Variants in CEP152 observed in about 807,000 individuals in gnomAD.
CEP152 encodes the protein centrosomal protein 152.
Under a neutral mutation model 188.9 loss-of-function variants are expected in CEP152, and 132 were observed. The observed-to-expected ratio is 0.70, with a 90% CI of 0.61 to 0.81. The LOEUF (loss-of-function observed/expected upper bound fraction) is 0.81, where lower values mean the gene tolerates loss of function less well. CEP152 is among the 30% of genes least tolerant of loss of function. CEP152 has a pLI of 0.00. For synonymous variants in CEP152, 649 were observed against 666.6 expected, an observed-to-expected ratio of 0.97 and a Z score of 0.41; for missense variants, 1,914 against 1,969.8, an observed-to-expected ratio of 0.97 and a Z score of 0.54.
rs748199722 is a variant in CEP152, at chr15:48,742,135, T to G, written c.3836-35A>C. 1.9e-6 allele frequency: 3 copies of G among 1,603,554 alleles called. No homozygotes were observed. In the South Asian group the frequency reaches 3.3e-5, roughly 18 times the overall value. On this transcript the variant is annotated intron_variant, in intron 24 of 26. Transcript: ENST00000380950. ...AGTGAGAAAATGCCCACAGAATGTA[T>G]GTTTATTAGCACTTTTTCAGAAACA... is the stretch of plus-strand genomic sequence containing the variant.
Position 48,748,584 on chromosome 15 carries a change from C to A in CEP152, c.3493G>T (p.Asp1165Tyr), listed in dbSNP as rs1397172607. 2.0e-6 allele frequency: 3 copies of A among 1,507,454 alleles called. No individual in the cohort carries two copies. The highest frequency in any genetic ancestry group is 2.6e-6 in the Non-Finnish European group (3 of 1,135,150). The allele number at this position is 1,507,454 out of a possible 1,614,324, so 93.4% of individuals were successfully genotyped here. The part of the protein sequence containing the change: ...ADKKKVLEIK[D>Y]LCCGHCFQEL... Reference sequence around the variant, plus strand: ...TGGAAGCAGTGTCCACAGCATAAATCCTTAATTTCAAGGACCTTTTTCTTA... The same window carrying A: ...TGGAAGCAGTGTCCACAGCATAAATACTTAATTTCAAGGACCTTTTTCTTA... The change falls in exon 22 of 27, where the codon GAT becomes TAT. Residue 1165 changes from aspartate to tyrosine, a missense_variant. Physicochemically the swap from Asp to Tyr is radical, Grantham distance 160. Coordinates refer to ENST00000380950, the MANE Select transcript of CEP152 (RefSeq NM_001194998.2).
At chr15:48,763,761 T>A (rs1894866225) in intron 17 of CEP152, among the ~76,000 whole-genome samples, 1 of 152,224 alleles carries the variant, frequency 6.6e-6, no homozygotes, top group South Asian at 2.1e-4. Flanking sequence ...TCATACTTTG[T>A]TCCCTAACTT....
intron 2 of CEP152, among the ~76,000 whole-genome samples, chr15:48,732,654 ATT>A (rs58160084): frequency 1.4e-5 from 2 of 144,172 alleles, no homozygotes. Context: ...CTGCACATGT[ATT>A]TTTTTTTTTT....
chr15:48,792,547 T>C lies in CEP152; in HGVS notation c.832+774A>G, dbSNP rs553271190. ...TTGAATCTGTATTTACTCTGTGTGT[T>C]TATCCCAGACATGGCACTTCACAAT... On this transcript the variant is annotated intron_variant, in intron 7 of 26. Coordinates refer to ENST00000380950, the MANE Select transcript of CEP152 (RefSeq NM_001194998.2). Among the ~76,000 whole-genome samples the C allele has an allele frequency of 5.3e-5, 8 of 152,322 alleles. No individual in the cohort carries two copies. In the East Asian group the frequency reaches 1.5e-3, roughly 29 times the overall value.
chr15:48,806,564 G>A (rs1897998914), intron 1 of CEP152, among the ~76,000 whole-genome samples: 1 of 152,170 alleles, frequency 6.6e-6, no homozygotes, highest in Admixed American at 6.5e-5. Context: ...ACTTGGATGT[G>A]AGCCTGAGCC....
chr15:48,783,855 T>G (rs1049101252), intron 10 of CEP152, 118 bp downstream of exon 10: 36 of 806,966 alleles, frequency 4.5e-5, no homozygotes, highest in Non-Finnish European at 6.3e-5. Context: ...TTAAAGAAAT[T>G]TATTGCTGAT....
chr15:48,744,906 T>C lies in CEP152; in HGVS notation c.3721A>G (p.Thr1241Ala), dbSNP rs1488582811. ...KLEELQTLCK[T>A]PPRSLSAGAI... ...ATAGTAAAAGTATACCTTGGTGGTG[T>C]TTTACAAAGTGTTTGCAATTCTTCC... The change falls in exon 23 of 27, where the codon ACA becomes GCA. Residue 1241 changes from threonine to alanine, a missense_variant. Thr to Ala is a moderately conservative substitution (Grantham distance 58, BLOSUM62 0). Coordinates refer to ENST00000380950, the MANE Select transcript of CEP152 (RefSeq NM_001194998.2). 2 of 1,609,632 alleles carry C rather than the reference T, an allele frequency of 1.2e-6. No individual in the cohort carries two copies. The highest frequency in any genetic ancestry group is 2.7e-5 in the African/African-American group (2 of 74,894).
At chr15:48,771,202 G>A (rs1895508953) in intron 13 of CEP152, among the ~76,000 whole-genome samples, 1 of 152,176 alleles carries the variant, frequency 6.6e-6, no homozygotes, top group Non-Finnish European at 1.5e-5. Context: ...TGATCTTACA[G>A]AAATATCTTT....
intron 2 of CEP152, among the ~76,000 whole-genome samples, chr15:48,800,188 G>T (rs1325252855): frequency 6.6e-6 from 1 of 151,996 alleles, no homozygotes; most frequent in Non-Finnish European, 1.5e-5. Flanking sequence ...AATGCTTCTG[G>T]ATACATACAT....
At chr15:48,783,612 C>A (rs1269907693) in intron 10 of CEP152, among the ~76,000 whole-genome samples, 1 of 151,858 alleles carries the variant, frequency 6.6e-6, no homozygotes, top group Non-Finnish European at 1.5e-5. Context: ...TATGTGTGTA[C>A]ATTCATTTCA....
At chr15:48,799,614 A>G (rs1245034126) in intron 2 of CEP152, among the ~76,000 whole-genome samples, 3 of 152,208 alleles carry the variant, frequency 2.0e-5, no homozygotes, top group African/African-American at 7.2e-5. Context: ...TTAAATGCTC[A>G]TCTCCACATG....
At chr15:48,747,020 G>A (rs2140603883) in intron 22 of CEP152, among the ~76,000 whole-genome samples, 1 of 152,290 alleles carries the variant, frequency 6.6e-6, no homozygotes, top group East Asian at 1.9e-4. Context: ...GAAGGGGCTG[G>A]CAGGTGCTGG....
chr15:48,763,398 G>C (rs755236201), intron 17 of CEP152, among the ~76,000 whole-genome samples: 24 of 152,212 alleles, frequency 1.6e-4, no homozygotes, highest in Non-Finnish European at 2.8e-4. Context: ...TTGAGGCCAG[G>C]TGCAGTGGCT....
At chr15:48,807,202 T>C (rs1595710789) in intron 1 of CEP152, among the ~76,000 whole-genome samples, 1 of 152,188 alleles carries the variant, frequency 6.6e-6, no homozygotes, top group Admixed American at 6.5e-5. Flanking sequence ...GGAAGAGACA[T>C]GCATATCGAG....
At chr15:48,798,367 A>G (rs1897460874) in intron 2 of CEP152, among the ~76,000 whole-genome samples, 1 of 152,148 alleles carries the variant, frequency 6.6e-6, no homozygotes, top group Non-Finnish European at 1.5e-5. Flanking sequence ...CAATCAATGC[A>G]TTATGTTATC....
intron 21 of CEP152, among the ~76,000 whole-genome samples, chr15:48,750,911 C>T (rs1893825739): frequency 6.6e-6 from 1 of 152,270 alleles, no homozygotes; most frequent in Non-Finnish European, 1.5e-5. Flanking sequence ...CTGTGGTCAA[C>T]AGCACTGGTG....
At chr15:48,760,363 G>C in intron 18 of CEP152, 97 bp from the exon 19 acceptor site, 1 of 1,403,470 alleles carries the variant, frequency 7.1e-7, no homozygotes, top group East Asian at 2.3e-5. Context: ...ATTTTATACT[G>C]TATATCACTA....
intron 12 of CEP152, among the ~76,000 whole-genome samples, chr15:48,775,301 C>G (rs988109200): frequency 7.3e-5 from 11 of 151,660 alleles, no homozygotes; most frequent in Non-Finnish European, 1.6e-4. Flanking sequence ...ATTCAAGAAG[C>G]TCAGAGAACC....
chr15:48,749,448 T>C (rs1893715320), intron 21 of CEP152, among the ~76,000 whole-genome samples: 1 of 152,042 alleles, frequency 6.6e-6, no homozygotes, highest in African/African-American at 2.4e-5. Flanking sequence ...TCCCACAGAT[T>C]GCTTATCAAC....
Sources: allele counts gnomAD v4.1 joint callset (sites outside exome capture counted in the v4.1 genomes callset), GRCh38; gene constraint gnomAD v4.1.1; transcripts MANE v1.5; gene names NCBI Gene and HGNC (gene_info 2026-07-23, HGNC 2026-07-21).